Variants in COL15A1 observed in about 807,000 individuals in gnomAD.
COL15A1 encodes collagen alpha-1(XV) chain.
COL15A1 carries 111 observed loss-of-function variants against 165.9 expected under a neutral mutation model. The ratio of observed to expected loss-of-function variants is 0.67; its 90% CI spans 0.57 to 0.78. The LOEUF is 0.78. Among genes scored for constraint, COL15A1 ranks in the 30% least tolerant of loss-of-function variants. COL15A1 has a pLI of 0.00. For missense variants in COL15A1, 1,745 were observed against 1,789.7 expected, an observed-to-expected ratio of 0.98 and a Z score of 0.45; for synonymous variants, 659 against 674.8, an observed-to-expected ratio of 0.98 and a Z score of 0.36.
At chr9:99,058,406 T>G (rs1329175772) in intron 35 of COL15A1, among the ~76,000 whole-genome samples, 1 of 152,130 alleles carries the variant, frequency 6.6e-6, no homozygotes, top group East Asian at 1.9e-4. Flanking sequence ...ATGAGGACAC[T>G]GGTCCTACAA....
intron 16 of COL15A1, among the ~76,000 whole-genome samples, chr9:99,029,998 C>T (rs922984816): frequency 2.6e-5 from 4 of 151,560 alleles, no homozygotes; most frequent in African/African-American, 9.7e-5. Flanking sequence ...GTATTACAAA[C>T]AGCAGAAGGA....
At chr9:99,005,478 G>T (rs1024616222) in intron 9 of COL15A1, among the ~76,000 whole-genome samples, 2 of 152,100 alleles carry the variant, frequency 1.3e-5, no homozygotes, top group African/African-American at 4.8e-5. Context: ...GCTCCTGAAG[G>T]CAGGGCACAT....
chr9:98,989,189 G>T lies in COL15A1; in HGVS notation c.735G>T (p.Glu245Asp), dbSNP rs764062367. Residue 245 changes from glutamate (E) to aspartate (D), a missense_variant, in exon 5 of 42, where the codon GAG becomes GAT. Transcript: ENST00000375001. Reference protein sequence around the residue: ...CDPEESSASGETSGLQEADGV... With the variant: ...CDPEESSASGDTSGLQEADGV... Reference sequence around the variant, plus strand: ...TTGTCTCCACACAGGCATCTGGAGAGACCAGTGGGCTGCAGGAGGCAGACG... The same window carrying T: ...TTGTCTCCACACAGGCATCTGGAGATACCAGTGGGCTGCAGGAGGCAGACG... 7 of 1,614,112 alleles carry T rather than the reference G, an allele frequency of 4.3e-6. No individual in the cohort carries two copies. The highest frequency in any genetic ancestry group is 5.9e-6 in the Non-Finnish European group (7 of 1,179,950).
chr9:99,013,735 T>A (rs968423214), intron 9 of COL15A1, among the ~76,000 whole-genome samples: 1 of 152,072 alleles, frequency 6.6e-6, no homozygotes, highest in Non-Finnish European at 1.5e-5. Context: ...GCTTCAGACC[T>A]AAGAAGAATC....
At chr9:98,981,689 G>A (rs899255119) in intron 2 of COL15A1, among the ~76,000 whole-genome samples, 6 of 152,220 alleles carry the variant, frequency 3.9e-5, no homozygotes, top group Admixed American at 2.6e-4. Flanking sequence ...CACAAGAATG[G>A]CTCCTGCCAG....
Position 99,054,674 on chromosome 9 carries a change from C to T in COL15A1, c.3031+18C>T. 6.3e-7 allele frequency: 1 copy of T among 1,597,824 alleles called. No individual in the cohort carries two copies. Among genetic ancestry groups the T allele is most frequent in the Non-Finnish European group, 8.5e-7 (1 of 1,175,064 alleles). On this transcript the variant is annotated intron_variant, in intron 32 of 41. Transcript: ENST00000375001. ...ACCACCAGGTATTCCAGCTCTTGTT[C>T]TCAATCTTGCCTTTGATTTTTTGCT...
chr9:98,972,694 G>A (rs1838080323), intron 2 of COL15A1, among the ~76,000 whole-genome samples: 1 of 152,164 alleles, frequency 6.6e-6, no homozygotes, highest in African/African-American at 2.4e-5. Flanking sequence ...CTCTGTGCTG[G>A]TGCTGAGGAC....
chr9:99,014,682 C>T (rs1838899524), intron 9 of COL15A1, among the ~76,000 whole-genome samples: 1 of 152,198 alleles, frequency 6.6e-6, no homozygotes, highest in African/African-American at 2.4e-5. Flanking sequence ...AGGTCAAAGA[C>T]ATGCCCGTGA....
At chr9:99,020,234 G>A (rs1211177866) in intron 11 of COL15A1, among the ~76,000 whole-genome samples, 155 bp from the exon 12 acceptor site, 1 of 152,196 alleles carries the variant, frequency 6.6e-6, no homozygotes, top group African/African-American at 2.4e-5. Context: ...TGATCAGGCA[G>A]CCTCTCTCTT....
chr9:98,989,331 A>T (rs931059363), intron 5 of COL15A1, 73 bp downstream of exon 5: 2 of 1,248,524 alleles, frequency 1.6e-6, no homozygotes, highest in Non-Finnish European at 2.3e-6. Context: ...GAGGGGGCCC[A>T]GAGTCCTGGG....
chr9:99,040,129 G>A (rs1328033436), intron 22 of COL15A1, among the ~76,000 whole-genome samples: 1 of 152,180 alleles, frequency 6.6e-6, no homozygotes, highest in African/African-American at 2.4e-5. Context: ...GAGCAAACCA[G>A]CTAACAAGTG....
At chr9:99,022,774 A>T (rs1839049829) in intron 13 of COL15A1, among the ~76,000 whole-genome samples, 1 of 152,214 alleles carries the variant, frequency 6.6e-6, no homozygotes, top group African/African-American at 2.4e-5. Flanking sequence ...TCCTGTCTTC[A>T]GGAGTTAAGT....
intron 2 of COL15A1, among the ~76,000 whole-genome samples, chr9:98,949,803 C>G (rs1837648954): frequency 6.6e-6 from 1 of 152,164 alleles, no homozygotes; most frequent in South Asian, 2.1e-4. Flanking sequence ...TTTCATCACC[C>G]CAAAAGAAAT....
In COL15A1 at chr9:99,024,860, CTT is replaced by C. The variant is rs756349341; in HGVS notation, c.1855-12_1855-11del. On this transcript the variant is annotated splice_polypyrimidine_tract_variant and intron_variant, in intron 14 of 41. Transcript: ENST00000375001. ...ATTCCCCCACTGTTTCTAACAGAGTCTTTGTGTTTTTAGGGTCCTCCAGGACC... is the reference window on the plus strand; with the variant it reads ...ATTCCCCCACTGTTTCTAACAGAGTCTGTGTTTTTAGGGTCCTCCAGGACC... The C allele has an allele frequency of 6.2e-7, 1 of 1,610,516 alleles. No individual in the cohort carries two copies.
intron 2 of COL15A1, among the ~76,000 whole-genome samples, chr9:98,966,009 G>A (rs772417955): frequency 9.2e-5 from 14 of 152,142 alleles, no homozygotes; most frequent in Non-Finnish European, 1.9e-4. Context: ...CCAGCGCCAA[G>A]TCCAGACAGG....
chr9:99,061,045 G>A (rs1360686), intron 36 of COL15A1, among the ~76,000 whole-genome samples: 25,546 of 152,180 alleles, frequency 0.17, 2,577 homozygotes, highest in East Asian at 0.23. Context: ...ACAAGACATA[G>A]CACTCCAAGA....
rs975526212 is a variant in COL15A1 at position 99,034,693 on chromosome 9, G to A, written c.2079+109G>A. On this transcript the variant is annotated intron_variant, in intron 17 of 41. Transcript: ENST00000375001. ...GGGCTGGAATATTGAACATATAAATGTCATGGAACAGAGAGGAACACATCT... is the reference window on the plus strand; with the variant it reads ...GGGCTGGAATATTGAACATATAAATATCATGGAACAGAGAGGAACACATCT... 16 of 1,434,618 alleles carry A rather than the reference G, an allele frequency of 1.1e-5. No individual in the cohort carries two copies. In the East Asian group the frequency reaches 2.6e-4, roughly 23 times the overall value. 88.9% of individuals were successfully genotyped at this position (1,434,618 alleles called of 1,614,324 possible).
chr9:98,946,209 G>A (rs972209054), intron 2 of COL15A1, among the ~76,000 whole-genome samples: 8 of 152,206 alleles, frequency 5.3e-5, no homozygotes, highest in African/African-American at 1.9e-4. Flanking sequence ...ACCACTCCAG[G>A]AGGTGAGGAC....
chr9:99,009,719 T>G (rs930129308), intron 9 of COL15A1, among the ~76,000 whole-genome samples: 4 of 152,216 alleles, frequency 2.6e-5, no homozygotes, highest in African/African-American at 9.6e-5. Flanking sequence ...ATTCTTTGAT[T>G]GAAGAGATTG....
Sources: gnomAD v4.1 joint callset for allele counts (sites outside exome capture counted in the v4.1 genomes callset) on GRCh38, gnomAD v4.1.1 for gene constraint, MANE v1.5 for transcripts, NCBI Gene and HGNC (gene_info 2026-07-23, HGNC 2026-07-21) for gene names.